The following OPCML variants were observed in gnomAD, a reference collection of about 807,000 sequenced individuals.
OPCML encodes opioid binding protein/cell adhesion molecule like.
OPCML carries 13 observed loss-of-function variants against 37.8 expected under a neutral mutation model. The observed-to-expected ratio is 0.34, with a 90% confidence interval of 0.22 to 0.55. The LOEUF (loss-of-function observed/expected upper bound fraction) is 0.55. Ranked by LOEUF, OPCML falls within the 20% of genes least tolerant of loss-of-function variation. The pLI is 0.91. For missense variants in OPCML, 341 were observed against 435.6 expected, an observed-to-expected ratio of 0.78 and a Z score of 1.93; for synonymous variants, 176 against 168.8, an observed-to-expected ratio of 1.04 and a Z score of -0.33.
intron 1 of OPCML, among the ~76,000 whole-genome samples, chr11:133,032,055 G>A (rs1322679507): frequency 1.3e-5 from 2 of 152,172 alleles, no homozygotes; most frequent in African/African-American, 2.4e-5. Flanking sequence ...GATGGTGAAA[G>A]GTGGCTAGAG....
At chr11:133,489,726 C>A (rs1947611795) in intron 1 of OPCML, among the ~76,000 whole-genome samples, 1 of 152,006 alleles carries the variant, frequency 6.6e-6, no homozygotes, top group Non-Finnish European at 1.5e-5. Context: ...CAAAAAGATA[C>A]CCACACTCAT....
At chr11:133,081,400 C>T (rs936011571) in intron 1 of OPCML, among the ~76,000 whole-genome samples, 1 of 152,208 alleles carries the variant, frequency 6.6e-6, no homozygotes, top group Admixed American at 6.5e-5. Context: ...GCTGATGATT[C>T]TCTGCTTTCC....
At chr11:132,904,940 G>A (rs1565951767) in intron 2 of OPCML, among the ~76,000 whole-genome samples, 1 of 152,184 alleles carries the variant, frequency 6.6e-6, no homozygotes, top group African/African-American at 2.4e-5. Context: ...AAATGTTTCA[G>A]AGACCCCACA....
rs1261977811 is a variant in OPCML, at chr11:133,330,603, A to C, written c.61+201661T>G. Among the ~76,000 whole-genome samples, 4 of 151,454 alleles carry C rather than the reference A, an allele frequency of 2.6e-5. No homozygotes were observed. The East Asian group carries it at 5.9e-4, about 22-fold the overall frequency. On this transcript the variant is annotated intron_variant, in intron 1 of 7. Transcript: ENST00000524381. ...TTGCAGGGACAAAAAACCAAACACC[A>C]GATGTTCTCACTCATAGGTGGGAAT...
chr11:132,654,618 G>A (rs1439648249), intron 3 of OPCML, among the ~76,000 whole-genome samples: 2 of 150,464 alleles, frequency 1.3e-5, no homozygotes, highest in Non-Finnish European at 2.9e-5. Flanking sequence ...CTCCCCAAGA[G>A]AAGCTCCTCC....
At chr11:133,019,937 T>A (rs750086866) in intron 1 of OPCML, among the ~76,000 whole-genome samples, 1 of 152,198 alleles carries the variant, frequency 6.6e-6, no homozygotes, top group African/African-American at 2.4e-5. Context: ...AGTGCACACA[T>A]GCACATGCTG....
intron 1 of OPCML, chr11:133,004,057 A>C (rs1326939338): frequency 1.0e-6 from 1 of 985,170 alleles, no homozygotes; most frequent in Non-Finnish European, 1.2e-6. Context: ...GGGAAGGAGG[A>C]AGCGAAGAGG....
chr11:132,467,177 C>T (rs2096122659), intron 4 of OPCML, among the ~76,000 whole-genome samples: 1 of 152,194 alleles, frequency 6.6e-6, no homozygotes, highest in Non-Finnish European at 1.5e-5. Context: ...GTCCACTGGC[C>T]TGAAGGCTCA....
chr11:133,092,006 A>C (rs918186411), intron 1 of OPCML, among the ~76,000 whole-genome samples: 2 of 152,192 alleles, frequency 1.3e-5, no homozygotes, highest in African/African-American at 4.8e-5. Context: ...TGATAGCTGT[A>C]AGAGGTGGGG....
At chr11:133,272,630 A>G (rs1039929945) in intron 1 of OPCML, among the ~76,000 whole-genome samples, 2 of 152,210 alleles carry the variant, frequency 1.3e-5, no homozygotes, top group Admixed American at 1.3e-4. Flanking sequence ...AAGGGACCCA[A>G]GAAAGGGGCA....
At position 132,455,350 on chromosome 11, in the gene OPCML, T is replaced by G. The variant is rs2096079159; in HGVS notation, c.506-17991A>C. ...GATGGCTTACATGCTACCGGTGAGA[T>G]TCCCTTAACTCAAAAGGTCACCTCC... On this transcript the variant is annotated intron_variant, in intron 4 of 7. Transcript: ENST00000524381. Among the ~76,000 whole-genome samples, 3 of 152,272 alleles carry G rather than the reference T, an allele frequency of 2.0e-5. No individual in the cohort carries two copies. In the South Asian group the frequency reaches 6.2e-4, roughly 32 times the overall value.
intron 1 of OPCML, among the ~76,000 whole-genome samples, chr11:133,187,171 C>A (rs931969679): frequency 6.6e-6 from 1 of 152,126 alleles, no homozygotes; most frequent in Admixed American, 6.5e-5. Flanking sequence ...CAGGAAGGGA[C>A]TGCAGTAATC....
intron 1 of OPCML, among the ~76,000 whole-genome samples, chr11:133,294,099 G>A (rs1433029084): frequency 6.6e-6 from 1 of 151,958 alleles, no homozygotes; most frequent in Non-Finnish European, 1.5e-5. Context: ...GGATGTGGTG[G>A]AAAGAAGCAC....
intron 1 of OPCML, among the ~76,000 whole-genome samples, chr11:133,184,259 G>A (rs942718813): frequency 6.6e-6 from 1 of 152,220 alleles, no homozygotes; most frequent in Non-Finnish European, 1.5e-5. Context: ...TGAATATTAT[G>A]CCAAGTGGGA....
chr11:132,715,308 T>C (rs1944429731), intron 2 of OPCML, among the ~76,000 whole-genome samples: 1 of 152,208 alleles, frequency 6.6e-6, no homozygotes, highest in African/African-American at 2.4e-5. Context: ...GCTACAGATA[T>C]ACAGATGAGT....
chr11:132,480,471 C>T (rs1357565771), intron 4 of OPCML, among the ~76,000 whole-genome samples: 1 of 152,092 alleles, frequency 6.6e-6, no homozygotes, highest in African/African-American at 2.4e-5. Context: ...GAGAACTTCC[C>T]CAATCTAGCA....
intron 2 of OPCML, among the ~76,000 whole-genome samples, chr11:132,882,788 G>C (rs1943264602): frequency 6.6e-6 from 1 of 152,106 alleles, no homozygotes; most frequent in African/African-American, 2.4e-5. Context: ...TTGAGAAGCA[G>C]TAGAAATGTA....
intron 1 of OPCML, among the ~76,000 whole-genome samples, chr11:133,225,828 T>C (rs1940013579): frequency 6.6e-6 from 1 of 152,208 alleles, no homozygotes; most frequent in Non-Finnish European, 1.5e-5. Flanking sequence ...AGGAAAAGGA[T>C]GGATTAATGA....
chr11:133,136,264 A>G (rs1335048208), intron 1 of OPCML, among the ~76,000 whole-genome samples: 1 of 152,230 alleles, frequency 6.6e-6, no homozygotes, highest in Non-Finnish European at 1.5e-5. Flanking sequence ...AGAGAAATAC[A>G]GCAATGGAAG....
Sources: gnomAD v4.1 joint callset for allele counts (sites outside exome capture counted in the v4.1 genomes callset) on GRCh38, gnomAD v4.1.1 for gene constraint, MANE v1.5 for transcripts, NCBI Gene and HGNC (gene_info 2026-07-23, HGNC 2026-07-21) for gene names.